The following ADGRL2 variants were observed in gnomAD, a reference collection of about 807,000 sequenced individuals.
ADGRL2 encodes adhesion G protein-coupled receptor L2.
In ADGRL2, 44 loss-of-function variants were observed where a neutral mutation model predicts 157.4. That is an observed-to-expected ratio of 0.28 (90% CI 0.22 to 0.36). The LOEUF is 0.36. Among genes scored for constraint, ADGRL2 ranks in the 10% least tolerant of loss-of-function variants. ADGRL2 has a pLI of 1.00. For synonymous variants in ADGRL2, 585 were observed against 624.7 expected, an observed-to-expected ratio of 0.94 and a Z score of 0.95; for missense variants, 1,510 against 1,768.9, an observed-to-expected ratio of 0.85 and a Z score of 2.63.
chr1:81,666,066 T>C (rs2082744795), intron 3 of ADGRL2, among the ~76,000 whole-genome samples: 1 of 152,110 alleles, frequency 6.6e-6, no homozygotes, highest in Admixed American at 6.5e-5. Flanking sequence ...GCAAGCACAA[T>C]CCAGTAAAGC....
intron 1 of ADGRL2, among the ~76,000 whole-genome samples, chr1:81,437,921 CA>C (rs997103935): frequency 4.6e-5 from 7 of 151,948 alleles, no homozygotes; most frequent in African/African-American, 1.7e-4. Flanking sequence ...TGTCTGAAAG[CA>C]AAGGTGAGGA....
chr1:81,596,101 T>C (rs12033785), intron 3 of ADGRL2: 136,549 of 346,466 alleles, frequency 0.39, 24,379 homozygotes, highest in Admixed American at 0.41. Context: ...GGAACTAGGA[T>C]CTTTTTTTTT....
intron 1 of ADGRL2, among the ~76,000 whole-genome samples, chr1:81,371,466 C>T (rs10782756): frequency 0.52 from 79,258 of 152,056 alleles, 22,840 homozygotes; most frequent in East Asian, 0.72. Context: ...CACTAAAAAT[C>T]TTACACGTTT....
chr1:81,561,440 TG>T (rs1218002685), intron 2 of ADGRL2, among the ~76,000 whole-genome samples: 10 of 149,638 alleles, frequency 6.7e-5, no homozygotes, highest in Admixed American at 1.3e-4. Flanking sequence ...TGTTTTGTTC[TG>T]TTTTTTTTTG....
At chr1:81,722,630 A>G (rs2084371715) in intron 1 of ADGRL2, 1 of 1,414,458 alleles carries the variant, frequency 7.1e-7, no homozygotes, top group Non-Finnish European at 9.8e-7. Flanking sequence ...TGTAAATTGG[A>G]TTACGATGAA....
At chr1:81,383,604 A>G (rs531222703) in intron 1 of ADGRL2, among the ~76,000 whole-genome samples, 3 of 151,330 alleles carry the variant, frequency 2.0e-5, no homozygotes, top group South Asian at 4.2e-4. Flanking sequence ...AAAGGCCTTT[A>G]TATTACTCAG....
chr1:81,417,667 T>C (rs2077055481), intron 1 of ADGRL2, among the ~76,000 whole-genome samples: 1 of 152,228 alleles, frequency 6.6e-6, no homozygotes, highest in African/African-American at 2.4e-5. Flanking sequence ...TCCACCTTTC[T>C]TTCACAGAAA....
intron 1 of ADGRL2, among the ~76,000 whole-genome samples, chr1:81,755,662 T>C (rs1026240996): frequency 1.3e-5 from 2 of 152,176 alleles, no homozygotes; most frequent in Non-Finnish European, 2.9e-5. Flanking sequence ...CTATGAAATA[T>C]GCAGAGAAAG....
intron 3 of ADGRL2, among the ~76,000 whole-genome samples, 170 bp from the exon 4 acceptor site, chr1:81,936,558 A>G (rs893438745): frequency 7.3e-5 from 11 of 150,514 alleles, no homozygotes; most frequent in Non-Finnish European, 1.6e-4. Context: ...ACATAAAGAA[A>G]ACAAAACTCT....
chr1:81,334,342 T>C (rs1035832222), intron 1 of ADGRL2, among the ~76,000 whole-genome samples: 2 of 152,186 alleles, frequency 1.3e-5, no homozygotes, highest in African/African-American at 4.8e-5. Flanking sequence ...AAACAAACTC[T>C]CAAAAGGGTT....
At chr1:81,310,228 G>A (rs1006901731) in intron 1 of ADGRL2, among the ~76,000 whole-genome samples, 2 of 152,154 alleles carry the variant, frequency 1.3e-5, no homozygotes, top group African/African-American at 4.8e-5. Flanking sequence ...ATCTCCTTAA[G>A]GAGAACTGAG....
chr1:81,913,924 A>T (rs904371971), intron 3 of ADGRL2, among the ~76,000 whole-genome samples: 4 of 152,042 alleles, frequency 2.6e-5, no homozygotes, highest in African/African-American at 9.7e-5. Context: ...CATGTCTATT[A>T]TTTTCAAATA....
intron 2 of ADGRL2, among the ~76,000 whole-genome samples, chr1:81,787,889 T>C (rs1335318261): frequency 6.6e-6 from 1 of 152,192 alleles, no homozygotes; most frequent in Non-Finnish European, 1.5e-5. Context: ...CTATTCAATA[T>C]ATTTCTTCAT....
chr1:81,813,811 C>G (rs1162978465), intron 1 of ADGRL2, among the ~76,000 whole-genome samples: 1 of 151,386 alleles, frequency 6.6e-6, no homozygotes, highest in African/African-American at 2.4e-5. Flanking sequence ...CCTTTTTTCC[C>G]CCTAATACTA....
intron 1 of ADGRL2, among the ~76,000 whole-genome samples, chr1:81,820,395 GC>G (rs2090862472): frequency 6.6e-6 from 1 of 152,110 alleles, no homozygotes; most frequent in Non-Finnish European, 1.5e-5. Context: ...TTTTTGTGAT[GC>G]AGTTACAGTG....
At chr1:81,966,922 C>T (rs984345430) in intron 13 of ADGRL2, among the ~76,000 whole-genome samples, 1 of 152,166 alleles carries the variant, frequency 6.6e-6, no homozygotes, top group African/African-American at 2.4e-5. Flanking sequence ...TTAACCCTTA[C>T]CTTACTTAGC....
At chr1:81,379,958 C>T (rs2076315737) in intron 1 of ADGRL2, among the ~76,000 whole-genome samples, 1 of 152,184 alleles carries the variant, frequency 6.6e-6, no homozygotes, top group South Asian at 2.1e-4. Context: ...CTCTACTCAA[C>T]ACTTCCCTTC....
intron 3 of ADGRL2, among the ~76,000 whole-genome samples, chr1:81,645,396 C>CAAAAAA (rs374061248): frequency 3.2e-5 from 3 of 94,844 alleles, no homozygotes; most frequent in African/African-American, 4.4e-5. Context: ...GATCCTGTCT[C>CAAAAAA]AAAAAAAAAA....
chr1:81,867,246 C>A (rs1339317213), intron 2 of ADGRL2, among the ~76,000 whole-genome samples: 1 of 152,116 alleles, frequency 6.6e-6, no homozygotes, highest in East Asian at 1.9e-4. Context: ...TGTCTACTTT[C>A]CTAAAACTAC....
Sources: allele counts gnomAD v4.1 joint callset (sites outside exome capture counted in the v4.1 genomes callset), GRCh38; gene constraint gnomAD v4.1.1; transcripts MANE v1.5; gene names NCBI Gene and HGNC (gene_info 2026-07-23, HGNC 2026-07-21).